NCBP1: variants seen among roughly 807,000 people sequenced by gnomAD.
NCBP1 encodes nuclear cap-binding protein subunit 1.
In NCBP1, 16 loss-of-function variants were observed where a neutral mutation model predicts 111.7. The ratio of observed to expected loss-of-function variants is 0.14; its 90% confidence interval spans 0.10 to 0.22. The LOEUF is 0.22. Among genes scored for constraint, NCBP1 ranks in the 10% least tolerant of loss-of-function variants. The probability of loss-of-function intolerance (pLI) is 1.00; values close to 1 mark genes in which losing one functional copy is unlikely to be tolerated. For synonymous variants in NCBP1, 304 were observed against 314.3 expected (o/e 0.97, Z 0.35); for missense variants, 607 against 957.5 (o/e 0.63, Z 4.83).
chr9:97,634,051 A>G, intron 1 of NCBP1, 136 bp downstream of exon 1: 1 of 1,144,062 alleles, frequency 8.7e-7, no homozygotes, highest in Non-Finnish European at 1.2e-6. Flanking sequence ...AAAGAGGAGA[A>G]TATGGTGGCG....
chr9:97,666,675 G>C, intron 19 of NCBP1, 88 bp from the exon 20 acceptor site: 1 of 831,358 alleles, frequency 1.2e-6, no homozygotes, highest in Non-Finnish European at 1.9e-6. Context: ...TGTATCAGCT[G>C]TTAAGAATGA....
At chr9:97,654,770 C>T in intron 11 of NCBP1, 110 bp from the exon 12 acceptor site, 2 of 941,562 alleles carry the variant, frequency 2.1e-6, no homozygotes, top group East Asian at 2.6e-5. Context: ...AAAAGATGTT[C>T]AGCATTATTA....
In NCBP1 at chr9:97,648,126, A is replaced by G. The variant is rs1400817980; in HGVS notation, c.800A>G (p.Asn267Ser). ...ATCCTGTGTGAAGCACTGCAGCACA[A>G]TCTGCCTCCTTTTACACCACCTCCT... ...DSILCEALQH[N>S]LPPFTPPPHT... is the part of the protein sequence containing the mutation. The change falls in exon 8 of 23, where the codon AAT becomes AGT. Residue 267 changes from asparagine (N) to serine (S), a missense_variant. Asn to Ser is a conservative substitution (Grantham distance 46, BLOSUM62 1). Around this residue, in one of 9 missense-constraint regions of NCBP1, gnomAD observed 53 missense variants for 144.8 expected, o/e 0.37. Transcript: ENST00000375147. 1.2e-6 allele frequency: 2 copies of G among 1,614,082 alleles called. No homozygotes were observed. The highest frequency in any genetic ancestry group is 3.3e-5 in the Admixed American group (2 of 60,006).
intron 14 of NCBP1, among the ~76,000 whole-genome samples, chr9:97,657,995 T>C (rs1827720438): frequency 1.3e-5 from 2 of 150,504 alleles, no homozygotes; most frequent in African/African-American, 4.9e-5. Context: ...AACAACATAT[T>C]TAGGATCATC....
intron 1 of NCBP1, among the ~76,000 whole-genome samples, chr9:97,637,890 T>C (rs1827093438): frequency 6.6e-6 from 1 of 152,228 alleles, no homozygotes; most frequent in Non-Finnish European, 1.5e-5. Context: ...GGAAATTTAT[T>C]TGGTTTATTA....
chr9:97,646,805 A>G (rs1003767041), intron 6 of NCBP1, among the ~76,000 whole-genome samples: 2 of 141,842 alleles, frequency 1.4e-5, no homozygotes, highest in Admixed American at 1.5e-4. Context: ...CCGCCACTGC[A>G]CTCCAGCCTG....
chr9:97,661,990 C>G, intron 16 of NCBP1, 52 bp from the exon 17 acceptor site: 1 of 1,301,778 alleles, frequency 7.7e-7, no homozygotes, highest in Non-Finnish European at 1.1e-6. Flanking sequence ...GGTAAGGCAC[C>G]AAGGAATTGC....
Position 97,640,807 on chromosome 9 carries a change from C to A in NCBP1, c.48C>A (p.His16Gln). 1.9e-6 allele frequency: 3 copies of A among 1,606,944 alleles called. No individual in the cohort carries two copies. The highest frequency in any genetic ancestry group is 2.5e-6 in the Non-Finnish European group (3 of 1,177,282). ...HSDENDGGQP[H>Q]KRRKTSDANE... ...TTGCTGAAATAGGTGGGCAGCCTCA[C>A]AAAAGGAGAAAGACCTCTGATGCAA... Residue 16 changes from histidine to glutamine, a missense_variant, in exon 2 of 23, where the codon CAC becomes CAA. Physicochemically the swap from His to Gln is conservative, Grantham distance 24. This residue lies in a region of NCBP1 where 185 missense variants were observed against 272.0 expected (regional missense o/e 0.68). Transcript: ENST00000375147.
chr9:97,650,026 A>G (rs1166869264), intron 8 of NCBP1, among the ~76,000 whole-genome samples: 13 of 152,194 alleles, frequency 8.5e-5, no homozygotes, highest in Admixed American at 8.5e-4. Context: ...GTTTGCTATG[A>G]ATATACTTAA....
chr9:97,643,669 T>C (rs967179793), intron 4 of NCBP1, among the ~76,000 whole-genome samples: 3 of 152,074 alleles, frequency 2.0e-5, no homozygotes, highest in Non-Finnish European at 4.4e-5. Flanking sequence ...CAGTGGCCAC[T>C]GTGTACTGAA....
rs932078218 is a variant in NCBP1 at position 97,654,060 on chromosome 9, C to T, written c.1170+152C>T. ...GTATTACATGTATGTACTTGTATGT[C>T]TGTAAATACATATGTACCTATACAT... On this transcript the variant is annotated intron_variant, in intron 11 of 22. Transcript: ENST00000375147. 1.5e-5 allele frequency: 9 copies of T among 600,210 alleles called. No homozygotes were observed. In the African/African-American group the frequency reaches 1.7e-4, roughly 11 times the overall value. 37.2% of individuals were successfully genotyped at this position (600,210 alleles called of 1,614,324 possible).
chr9:97,664,355 G>A lies in NCBP1; in HGVS notation c.1813G>A (p.Val605Met). Residue 605 changes from valine (V) to methionine (M), a missense_variant, in exon 19 of 23, where the codon GTG (valine) becomes ATG (methionine). Val to Met is a conservative substitution (Grantham distance 21). Around this residue, in one of 9 missense-constraint regions of NCBP1, gnomAD observed 282 missense variants for 376.5 expected, o/e 0.75. Transcript: ENST00000375147. ...RNHPQMIAVL[V>M]DKMIRTQIVD... ...CTCATTGTAGATGATTGCTGTACTA[G>A]TGGATAAGATGATTCGTACACAAAT... is the stretch of plus-strand genomic sequence containing the variant. 6.2e-7 allele frequency: 1 copy of A among 1,609,496 alleles called. No homozygotes were observed. Among genetic ancestry groups the A allele is most frequent in the Middle Eastern group, 1.7e-4 (1 of 6,050 alleles).
rs760866946 is a variant in NCBP1, at chr9:97,640,772, AT to A, written c.35-16del. 1.1e-4 allele frequency: 175 copies of A among 1,575,356 alleles called. 1 individual carries two copies. The African/African-American group carries it at 2.3e-3, about 21-fold the overall frequency. ...ATAGCAGATTTATCATGTAATGTTA[AT>A]TTTTTATGTTGCTGAAATAGGTGGG... On this transcript the variant is annotated intron_variant, in intron 1 of 22. Coordinates refer to ENST00000375147, the MANE Select transcript of NCBP1 (RefSeq NM_002486.5).
At chr9:97,659,026 C>T (rs73498365) in intron 15 of NCBP1, among the ~76,000 whole-genome samples, 14,279 of 152,162 alleles carry the variant, frequency 0.094, 2,297 homozygotes, top group African/African-American at 0.33. Context: ...AAACTGAAAA[C>T]GTGTATTTGT....
At chr9:97,650,846 T>C (rs1192980226) in intron 9 of NCBP1, among the ~76,000 whole-genome samples, 1 of 152,186 alleles carries the variant, frequency 6.6e-6, no homozygotes, top group Admixed American at 6.6e-5. Context: ...ATATTTAGTA[T>C]ATGCTATGGA....
chr9:97,644,216 A>G (rs757350995), intron 4 of NCBP1, among the ~76,000 whole-genome samples: 8 of 152,300 alleles, frequency 5.3e-5, no homozygotes, highest in South Asian at 2.1e-4. Flanking sequence ...TTGGACACCC[A>G]TCAGGCTATA....
chr9:97,633,851 C>G lies in NCBP1; in HGVS notation c.-31C>G, dbSNP rs566955355. The G allele has an allele frequency of 6.4e-7, 1 of 1,573,270 alleles. No individual in the cohort carries two copies. The highest frequency in any genetic ancestry group is 1.2e-5 in the South Asian group (1 of 86,662). On this transcript the variant is annotated 5_prime_UTR_variant, in exon 1 of 23. Coordinates refer to ENST00000375147, the MANE Select transcript of NCBP1 (RefSeq NM_002486.5). ...GTTCCTGCAGCGCTTACCGCCTGGC[C>G]TCTCGGTTCCGCGGCGCACCGGAGG...
At chr9:97,648,998 G>C (rs1827426622) in intron 8 of NCBP1, among the ~76,000 whole-genome samples, 1 of 152,104 alleles carries the variant, frequency 6.6e-6, no homozygotes, top group Non-Finnish European at 1.5e-5. Context: ...CACTGCACCT[G>C]TCCATAATTA....
chr9:97,671,184 TG>T lies in NCBP1; in HGVS notation c.2359del (p.Ala787ProfsTer19). The T allele has an allele frequency of 6.2e-7, 1 of 1,609,306 alleles. No homozygotes were observed. Among genetic ancestry groups the T allele is most frequent in the Non-Finnish European group, 8.5e-7 (1 of 1,175,636 alleles). On this transcript the variant is annotated frameshift_variant, in exon 23 of 23. Coordinates refer to ENST00000375147, the MANE Select transcript of NCBP1 (RefSeq NM_002486.5). LOFTEE classifies it high-confidence loss of function. The part of the protein sequence containing the change: ...HILAVFQQFC[A>X]LQA The stretch of plus-strand genomic sequence containing the variant: ...TCTTGGCCGTGTTCCAGCAGTTCTG[TG>T]CCCTGCAGGCCTAAGGGTCATTTTT...
Sources: gnomAD v4.1 joint callset for allele counts (sites outside exome capture counted in the v4.1 genomes callset) on GRCh38, gnomAD v4.1.1 for gene constraint, gnomAD v4.1.1 regional missense constraint, MANE v1.5 for transcripts, NCBI Gene and HGNC (gene_info 2026-07-23, HGNC 2026-07-21) for gene names.